Variants in SEMA3A observed in about 807,000 individuals in gnomAD.
SEMA3A encodes the protein semaphorin-3A.
Under a neutral mutation model 97.9 loss-of-function variants are expected in SEMA3A, and 29 were observed. The ratio of observed to expected loss-of-function variants is 0.30; its 90% CI spans 0.22 to 0.40. The LOEUF (loss-of-function observed/expected upper bound fraction) is 0.40. SEMA3A is among the 10% of genes least tolerant of loss of function. The pLI is 1.00. For synonymous variants in SEMA3A, 321 were observed against 323.7 expected (o/e 0.99, Z 0.09); for missense variants, 763 against 951.3 (o/e 0.80, Z 2.60).
intron 3 of SEMA3A, among the ~76,000 whole-genome samples, chr7:84,226,077 A>AAGAT (rs1489834412): frequency 2.4e-4 from 36 of 152,262 alleles, no homozygotes; most frequent in African/African-American, 8.7e-4. Flanking sequence ...AGCGTTTGGA[A>AAGAT]AGATAGTATA....
chr7:84,434,130 G>A (rs1489696738), intron 1 of SEMA3A, among the ~76,000 whole-genome samples: 1 of 152,062 alleles, frequency 6.6e-6, no homozygotes, highest in Non-Finnish European at 1.5e-5. Flanking sequence ...CTACTGTAAG[G>A]TGGTATCTTG....
At chr7:84,133,778 C>T (rs796142305) in intron 2 of SEMA3A, among the ~76,000 whole-genome samples, 18 of 149,922 alleles carry the variant, frequency 1.2e-4, no homozygotes, top group African/African-American at 3.2e-4. Context: ...AGGCCGGGCG[C>T]GGTGGCTCAC....
At chr7:84,307,274 C>A (rs1801184350) in exon 3 of SEMA3A, 1 of 152,132 alleles carries the variant, frequency 6.6e-6, no homozygotes. Flanking sequence ...ATTGTAAGTA[C>A]CTGGGCACTT....
chr7:84,063,988 T>C, intron 4 of SEMA3A, among the ~76,000 whole-genome samples: 1 of 150,560 alleles, frequency 6.6e-6, no homozygotes. Flanking sequence ...AAAGTTGAAA[T>C]GAAGGAAAAA....
intron 1 of SEMA3A, among the ~76,000 whole-genome samples, chr7:84,422,101 C>T (rs569359828): frequency 3.5e-4 from 53 of 152,176 alleles, no homozygotes; most frequent in African/African-American, 1.2e-3. Context: ...GTACCAGCTC[C>T]TCTTCGTACC....
chr7:84,445,493 C>CAAAAAAA lies in SEMA3A; in HGVS notation c.-246+46960_-246+46966dup, dbSNP rs61298477. Among the ~76,000 whole-genome samples the CAAAAAAA allele has an allele frequency of 1.1e-3, 29 of 27,582 alleles. 1 individual carries two copies. The highest frequency in any genetic ancestry group is 2.3e-3 in the South Asian group (1 of 430). 18.1% of individuals were successfully genotyped at this position (27,582 alleles called of 152,430 possible). A position where few individuals can be genotyped will look rare whatever the true frequency, so the allele number is the denominator to read the frequency against. The stretch of plus-strand genomic sequence containing the variant: ...TGGGCGACAGAGTGAGACTCCATCT[C>CAAAAAAA]AAAAAAAAAAAAAAAAAAAAAAAAA... On this transcript the variant is annotated intron_variant, in intron 1 of 3. Coordinates refer to the SEMA3A transcript ENST00000424555.
intron 6 of SEMA3A, among the ~76,000 whole-genome samples, chr7:84,035,073 T>C (rs930195249): frequency 1.3e-5 from 2 of 152,078 alleles, no homozygotes; most frequent in African/African-American, 2.4e-5. Flanking sequence ...AATGCTGAGT[T>C]TTCTATAATT....
At chr7:83,989,176 T>G (rs1789778615) in intron 12 of SEMA3A, among the ~76,000 whole-genome samples, 1 of 152,112 alleles carries the variant, frequency 6.6e-6, no homozygotes, top group South Asian at 2.1e-4. Context: ...AAAGAAAGTG[T>G]TTCTTAGGCA....
rs867013396 is a variant in SEMA3A at position 84,095,358 on chromosome 7, C to T, written c.453+15112G>A. 2.7e-3 allele frequency among the ~76,000 whole-genome samples: 326 copies of T among 122,660 alleles called. 18 individuals carry two copies. The highest frequency in any genetic ancestry group is 3.1e-3 in the Admixed American group (39 of 12,420). The allele number at this position is 122,660 out of a possible 152,430, so 80.5% of individuals were successfully genotyped here. On this transcript the variant is annotated intron_variant, in intron 4 of 16. Coordinates refer to ENST00000265362, the MANE Select transcript of SEMA3A (RefSeq NM_006080.3). ...ATATATATTTTATATTTTTTATATA[C>T]ATATATATATATATATATATATATA...
intron 2 of SEMA3A, among the ~76,000 whole-genome samples, chr7:84,315,273 A>T (rs1801467971): frequency 6.6e-6 from 1 of 152,128 alleles, no homozygotes; most frequent in African/African-American, 2.4e-5. Flanking sequence ...AGATTTTTTT[A>T]ACTCTTGAAA....
At chr7:84,449,699 C>T (rs1011052637) in intron 1 of SEMA3A, among the ~76,000 whole-genome samples, 3 of 151,962 alleles carry the variant, frequency 2.0e-5, no homozygotes, top group Non-Finnish European at 4.4e-5. Flanking sequence ...CTCAAATATA[C>T]CCTGTAGAAA....
chr7:84,180,612 C>T (rs909019218), intron 1 of SEMA3A, among the ~76,000 whole-genome samples: 16 of 151,982 alleles, frequency 1.1e-4, no homozygotes, highest in African/African-American at 2.7e-4. Context: ...CACTTGAACC[C>T]GGGAGGCTGA....
intron 1 of SEMA3A, among the ~76,000 whole-genome samples, chr7:84,146,993 G>A (rs1323283875): frequency 6.6e-6 from 1 of 152,118 alleles, no homozygotes; most frequent in Admixed American, 6.6e-5. Flanking sequence ...TAATTTTTCA[G>A]GCAGTCTTGC....
At chr7:84,207,863 T>A (rs949126446) in intron 3 of SEMA3A, among the ~76,000 whole-genome samples, 7 of 152,092 alleles carry the variant, frequency 4.6e-5, no homozygotes, top group Non-Finnish European at 8.8e-5. Context: ...AATAAGGCTG[T>A]GTGTGGAATG....
intron 1 of SEMA3A, among the ~76,000 whole-genome samples, chr7:84,432,769 T>G (rs927767774): frequency 6.6e-6 from 1 of 152,168 alleles, no homozygotes; most frequent in Non-Finnish European, 1.5e-5. Context: ...TGTGCCATAT[T>G]TACTTTATCA....
chr7:84,066,596 C>T lies in SEMA3A; in HGVS notation c.454-6038G>A, dbSNP rs1304774265. 2.0e-5 allele frequency among the ~76,000 whole-genome samples: 3 copies of T among 149,492 alleles called. No homozygotes were observed. In the East Asian group the frequency reaches 5.8e-4, roughly 29 times the overall value. On this transcript the variant is annotated intron_variant, in intron 4 of 16. Transcript: ENST00000265362. ...AGTCTCAGGATACAAAATCAATGTA[C>T]AAAAATCACAAGCATTCTTATACAT... is the stretch of plus-strand genomic sequence containing the variant.
chr7:84,133,019 C>T (rs1796012656), intron 2 of SEMA3A, among the ~76,000 whole-genome samples: 1 of 151,982 alleles, frequency 6.6e-6, no homozygotes, highest in Admixed American at 6.6e-5. Flanking sequence ...TTTGGTAAAA[C>T]AACAACAAAA....
chr7:84,019,676 C>T (rs867376853), intron 6 of SEMA3A, among the ~76,000 whole-genome samples: 5 of 152,114 alleles, frequency 3.3e-5, no homozygotes, highest in South Asian at 2.1e-4. Context: ...ATATATCCTG[C>T]GGTTTTGCAT....
chr7:84,090,993 G>A (rs1232232664), intron 4 of SEMA3A, among the ~76,000 whole-genome samples: 1 of 150,668 alleles, frequency 6.6e-6, no homozygotes, highest in African/African-American at 2.4e-5. Flanking sequence ...CTTGAACCCG[G>A]GAGACAGAGT....
Sources: gnomAD v4.1 joint callset for allele counts (sites outside exome capture counted in the v4.1 genomes callset) on GRCh38, gnomAD v4.1.1 for gene constraint, MANE v1.5 for transcripts, NCBI Gene and HGNC (gene_info 2026-07-23, HGNC 2026-07-21) for gene names.